DYNC1I1: variants seen among roughly 807,000 people sequenced by gnomAD.
DYNC1I1 encodes cytoplasmic dynein 1 intermediate chain 1.
A neutral mutation model predicts 86.6 loss-of-function variants in DYNC1I1; 43 were observed. The ratio of observed to expected loss-of-function variants is 0.50; its 90% CI spans 0.39 to 0.64. The LOEUF (loss-of-function observed/expected upper bound fraction) is 0.64. Among genes scored for constraint, DYNC1I1 ranks in the 30% least tolerant of loss-of-function variants. The probability of loss-of-function intolerance (pLI) is 0.00; values close to 1 mark genes in which losing one functional copy is unlikely to be tolerated. For synonymous variants in DYNC1I1, 262 were observed against 283.7 expected (o/e 0.92, Z 0.77); for missense variants, 604 against 788.8 (o/e 0.77, Z 2.81).
chr7:95,928,040 G>A (rs1791791783), intron 6 of DYNC1I1, among the ~76,000 whole-genome samples: 1 of 152,200 alleles, frequency 6.6e-6, no homozygotes, highest in South Asian at 2.1e-4. Flanking sequence ...CACTTGGCCT[G>A]GTTTCAGCAG....
intron 6 of DYNC1I1, among the ~76,000 whole-genome samples, chr7:95,914,099 C>T (rs571947945): frequency 6.6e-6 from 1 of 152,318 alleles, no homozygotes; most frequent in East Asian, 1.9e-4. Context: ...TTGGAAGTAC[C>T]AGGCAAGAAG....
intron 16 of DYNC1I1, among the ~76,000 whole-genome samples, chr7:96,103,897 C>T (rs534988055): frequency 1.5e-3 from 226 of 152,332 alleles, no homozygotes; most frequent in African/African-American, 5.2e-3. Context: ...CAGGCGTGAG[C>T]CACCGCACCA....
chr7:95,807,759 G>A (rs1794735705), intron 2 of DYNC1I1, among the ~76,000 whole-genome samples: 1 of 152,046 alleles, frequency 6.6e-6, no homozygotes, highest in East Asian at 1.9e-4. Flanking sequence ...AGCTGCCTCT[G>A]ATACCTTTAC....
At chr7:96,046,813 G>A (rs1412088899) in intron 14 of DYNC1I1, among the ~76,000 whole-genome samples, 1 of 152,182 alleles carries the variant, frequency 6.6e-6, no homozygotes, top group Non-Finnish European at 1.5e-5. Context: ...GTGAAGAATG[G>A]TGGTGCCAGT....
intron 14 of DYNC1I1, among the ~76,000 whole-genome samples, chr7:96,050,583 G>C (rs1789377111): frequency 6.6e-6 from 1 of 152,074 alleles, no homozygotes; most frequent in Non-Finnish European, 1.5e-5. Context: ...TATTTTGGGG[G>C]TGCTAAGTTC....
chr7:95,986,906 G>T, intron 8 of DYNC1I1, 150 bp from the exon 9 acceptor site: 2 of 673,982 alleles, frequency 3.0e-6, no homozygotes, highest in Non-Finnish European at 5.2e-6. Flanking sequence ...ACCATCTTTA[G>T]TTCATTAATT....
intron 4 of DYNC1I1, among the ~76,000 whole-genome samples, chr7:95,820,788 G>T (rs2115884395): frequency 6.6e-6 from 1 of 152,326 alleles, no homozygotes; most frequent in Non-Finnish European, 1.5e-5. Flanking sequence ...ATGTTACCCA[G>T]GCTGGTCTTG....
intron 6 of DYNC1I1, among the ~76,000 whole-genome samples, chr7:95,956,554 C>A (rs1440594214): frequency 4.6e-5 from 7 of 151,922 alleles, no homozygotes; most frequent in African/African-American, 1.5e-4. Flanking sequence ...CCCGACAGGC[C>A]CCAGTGTGTG....
chr7:95,783,313 G>A lies in DYNC1I1; in HGVS notation c.-10+10540G>A, dbSNP rs138474557. Among the ~76,000 whole-genome samples, 451 of 152,164 alleles carry A rather than the reference G, an allele frequency of 3.0e-3. 4 individuals carry two copies. Among genetic ancestry groups the A allele is most frequent in the African/African-American group, 0.01 (424 of 41,502 alleles). On this transcript the variant is annotated intron_variant, in intron 1 of 16. Coordinates refer to ENST00000447467, the MANE Select transcript of DYNC1I1 (RefSeq NM_001135556.2). ...TAATGAATAAAAGAAATACATATGG[G>A]GTGCAAATTAGCTTCCTTCCGTAGT...
At chr7:95,917,319 T>A (rs1268936004) in intron 6 of DYNC1I1, among the ~76,000 whole-genome samples, 1 of 152,174 alleles carries the variant, frequency 6.6e-6, no homozygotes, top group African/African-American at 2.4e-5. Flanking sequence ...CAGGCAGTGC[T>A]GAGAGGTGAT....
intron 6 of DYNC1I1, among the ~76,000 whole-genome samples, chr7:95,924,813 C>G (rs971175877): frequency 6.6e-6 from 1 of 152,086 alleles, no homozygotes; most frequent in African/African-American, 2.4e-5. Context: ...AAAGAAATAC[C>G]GTAAACTGCA....
chr7:96,057,169 C>A (rs963616800), intron 14 of DYNC1I1, among the ~76,000 whole-genome samples: 1 of 152,068 alleles, frequency 6.6e-6, no homozygotes, highest in African/African-American at 2.4e-5. Flanking sequence ...TTAATTTGAA[C>A]CCCTTAAAGT....
intron 6 of DYNC1I1, among the ~76,000 whole-genome samples, chr7:95,953,780 A>C (rs983920425): frequency 2.0e-5 from 3 of 152,178 alleles, no homozygotes; most frequent in Non-Finnish European, 4.4e-5. Context: ...TGAGTCACTA[A>C]ATCAAGGCAA....
At position 96,097,797 on chromosome 7, in the gene DYNC1I1, ATCTTTATATTTCTG is replaced by A. The variant is rs1791062206; in HGVS notation, c.*208_*221del. 1.2e-5 allele frequency: 16 copies of A among 1,306,836 alleles called. No homozygotes were observed. The Middle Eastern group carries it at 1.2e-3, about 97-fold the overall frequency. The allele number at this position is 1,306,836 out of a possible 1,614,324, so 81.0% of individuals were successfully genotyped here. A position where few individuals can be genotyped will look rare whatever the true frequency, so the allele number is the denominator to read the frequency against. ...ACCCAAAATTCACCACAGCATTTCT[ATCTTTATATTTCTG>A]TCTCAAAAATGAAGAGAAGGGGGTT... On this transcript the variant is annotated 3_prime_UTR_variant, in exon 17 of 17. Transcript: ENST00000447467.
chr7:95,854,619 C>T (rs1388436802), intron 5 of DYNC1I1, among the ~76,000 whole-genome samples: 1 of 152,166 alleles, frequency 6.6e-6, no homozygotes, highest in East Asian at 1.9e-4. Context: ...GTGCACTTAA[C>T]TCACTTTTAA....
chr7:96,016,064 C>T (rs563665992), intron 10 of DYNC1I1, among the ~76,000 whole-genome samples: 3 of 152,102 alleles, frequency 2.0e-5, no homozygotes, highest in Non-Finnish European at 2.9e-5. Flanking sequence ...AAGACTGTTT[C>T]TACCTTTGGC....
intron 5 of DYNC1I1, among the ~76,000 whole-genome samples, chr7:95,831,886 G>C (rs564008492): frequency 6.6e-6 from 1 of 151,490 alleles, no homozygotes; most frequent in African/African-American, 2.4e-5. Context: ...ATATATTTTG[G>C]ATATTAACCC....
intron 6 of DYNC1I1, among the ~76,000 whole-genome samples, chr7:95,875,077 A>G (rs1340280116): frequency 6.6e-6 from 1 of 152,204 alleles, no homozygotes; most frequent in Non-Finnish European, 1.5e-5. Context: ...AGCCAGGACT[A>G]GGTTACATGC....
At chr7:95,861,339 T>G (rs1220883725) in intron 5 of DYNC1I1, among the ~76,000 whole-genome samples, 2 of 152,208 alleles carry the variant, frequency 1.3e-5, no homozygotes, top group Non-Finnish European at 2.9e-5. Flanking sequence ...TTCTGGCTCT[T>G]CTGTCTCTTG....
Sources: allele counts gnomAD v4.1 joint callset (sites outside exome capture counted in the v4.1 genomes callset), GRCh38; gene constraint gnomAD v4.1.1; transcripts MANE v1.5; gene names NCBI Gene and HGNC (gene_info 2026-07-23, HGNC 2026-07-21).